Variants in PPP2R2B observed in about 807,000 individuals in gnomAD.
The protein encoded by PPP2R2B is serine/threonine-protein phosphatase 2A 55 kDa regulatory subunit B beta isoform.
A neutral mutation model predicts 46.0 loss-of-function variants in PPP2R2B; 5 were observed. The ratio of observed to expected loss-of-function variants is 0.11; its 90% CI spans 0.06 to 0.23. The LOEUF is 0.23. PPP2R2B is among the 10% of genes least tolerant of loss of function. PPP2R2B has a pLI of 1.00. For synonymous variants in PPP2R2B, 215 were observed against 206.7 expected, an observed-to-expected ratio of 1.04 and a Z score of -0.34; for missense variants, 367 against 575.0, an observed-to-expected ratio of 0.64 and a Z score of 3.70.
intron 2 of PPP2R2B, among the ~76,000 whole-genome samples, chr5:146,855,312 G>A (rs1582277166): frequency 6.6e-6 from 1 of 152,068 alleles, no homozygotes. Flanking sequence ...AGCAAAACCT[G>A]CTCTTATTAT....
intron 2 of PPP2R2B, among the ~76,000 whole-genome samples, chr5:146,871,375 C>T (rs1761606996): frequency 6.6e-6 from 1 of 152,228 alleles, no homozygotes; most frequent in African/African-American, 2.4e-5. Context: ...ACCATCTCAG[C>T]TCAGCTCAGT....
At chr5:146,773,924 C>T (rs1211985354) in intron 2 of PPP2R2B, among the ~76,000 whole-genome samples, 1 of 152,138 alleles carries the variant, frequency 6.6e-6, no homozygotes, top group African/African-American at 2.4e-5. Flanking sequence ...ATACCTCATC[C>T]TTGTTTCTCC....
chr5:146,825,207 T>C (rs908965277), intron 2 of PPP2R2B, among the ~76,000 whole-genome samples: 1 of 152,160 alleles, frequency 6.6e-6, no homozygotes, highest in African/African-American at 2.4e-5. Context: ...ATGCTGTGTA[T>C]GGAACAACCC....
intron 1 of PPP2R2B, chr5:146,917,952 G>A (rs537033016): frequency 2.0e-5 from 3 of 152,312 alleles, no homozygotes; most frequent in Non-Finnish European, 4.4e-5. Flanking sequence ...ATGGATACAT[G>A]TCATTATGCA....
At chr5:146,860,278 T>C (rs942911157) in intron 2 of PPP2R2B, among the ~76,000 whole-genome samples, 1 of 152,208 alleles carries the variant, frequency 6.6e-6, no homozygotes, top group African/African-American at 2.4e-5. Context: ...ATTCACTCTT[T>C]CAAGTTGCTA....
At chr5:146,810,944 A>G (rs113611185) in intron 2 of PPP2R2B, among the ~76,000 whole-genome samples, 3,911 of 137,980 alleles carry the variant, frequency 0.028, 50 homozygotes, top group Middle Eastern at 0.057. Flanking sequence ...TCATTGTTCA[A>G]TTCCCACCTA....
At chr5:146,995,498 T>C (rs17105814) in intron 1 of PPP2R2B, among the ~76,000 whole-genome samples, 1,986 of 152,274 alleles carry the variant, frequency 0.013, 46 homozygotes, top group African/African-American at 0.045. Flanking sequence ...AATTCAGGAA[T>C]GATATGGGAA....
At chr5:146,996,012 A>G (rs1194200395) in intron 1 of PPP2R2B, among the ~76,000 whole-genome samples, 1 of 152,218 alleles carries the variant, frequency 6.6e-6, no homozygotes, top group Non-Finnish European at 1.5e-5. Flanking sequence ...ACACTCAATG[A>G]CAATTTTTGT....
At chr5:146,891,018 T>G (rs1378844555) in intron 1 of PPP2R2B, among the ~76,000 whole-genome samples, 2 of 152,020 alleles carry the variant, frequency 1.3e-5, no homozygotes, top group Non-Finnish European at 1.5e-5. Flanking sequence ...CACAGTTGAG[T>G]GCAAGTTTAG....
Position 146,947,701 on chromosome 5 carries a change from A to C in PPP2R2B, c.79+107964T>G, listed in dbSNP as rs144287952. Among the ~76,000 whole-genome samples the C allele has an allele frequency of 2.9e-3, 448 of 151,982 alleles. 4 individuals carry two copies. The highest frequency in any genetic ancestry group is 0.011 in the African/African-American group (436 of 41,494). ...TCAAATCACTTAGACTTTCTGTGAG[A>C]GATCTAACGGCCATATGCACCTTTC... On this transcript the variant is annotated intron_variant, in intron 1 of 8. Coordinates refer to the PPP2R2B transcript ENST00000336640.
In PPP2R2B at chr5:146,972,814, A is replaced by G. The variant is rs543730590; in HGVS notation, c.79+82851T>C. On this transcript the variant is annotated intron_variant, in intron 1 of 8. Transcript: ENST00000336640. ...CTTTTCATAAGCTTAAGGACCATCT[A>G]TATTTTCTGAACTGTTGACATTTTT... Among the ~76,000 whole-genome samples, 4 of 152,266 alleles carry G rather than the reference A, an allele frequency of 2.6e-5. No homozygotes were observed. In the South Asian group the frequency reaches 6.2e-4, roughly 24 times the overall value.
chr5:146,705,082 A>G (rs2151172450), intron 2 of PPP2R2B, among the ~76,000 whole-genome samples: 1 of 152,338 alleles, frequency 6.6e-6, no homozygotes, highest in Admixed American at 6.5e-5. Flanking sequence ...CTTACTGACC[A>G]GGTCACTAGC....
At chr5:146,825,753 G>A (rs984848920) in intron 2 of PPP2R2B, among the ~76,000 whole-genome samples, 2 of 152,196 alleles carry the variant, frequency 1.3e-5, no homozygotes, top group Non-Finnish European at 2.9e-5. Flanking sequence ...TTTAAAGTAT[G>A]CAGTGCTATA....
chr5:146,687,809 G>C (rs1778604313), intron 5 of PPP2R2B, among the ~76,000 whole-genome samples: 1 of 152,066 alleles, frequency 6.6e-6, no homozygotes. Context: ...AACAGAACAG[G>C]TTCATTACAC....
At chr5:146,677,664 A>T (rs1777831144) in intron 5 of PPP2R2B, among the ~76,000 whole-genome samples, 2 of 151,534 alleles carry the variant, frequency 1.3e-5, no homozygotes, top group South Asian at 4.2e-4. Flanking sequence ...AGTAGTTGGG[A>T]CTGCAAGTGT....
chr5:147,008,802 C>G (rs918652701), intron 1 of PPP2R2B, among the ~76,000 whole-genome samples: 1 of 152,130 alleles, frequency 6.6e-6, no homozygotes, highest in South Asian at 2.1e-4. Flanking sequence ...TGAAGGAGCT[C>G]AACTCTAGTT....
intron 1 of PPP2R2B, among the ~76,000 whole-genome samples, chr5:147,000,123 A>G (rs1754100040): frequency 6.6e-6 from 1 of 152,194 alleles, no homozygotes; most frequent in Non-Finnish European, 1.5e-5. Context: ...TTAAGATAAC[A>G]ATCCTGTTTC....
chr5:146,597,540 G>C (rs565710875), intron 8 of PPP2R2B, among the ~76,000 whole-genome samples: 1 of 152,144 alleles, frequency 6.6e-6, no homozygotes, highest in African/African-American at 2.4e-5. Flanking sequence ...GTACTCATTT[G>C]GCAAAACTCC....
intron 2 of PPP2R2B, among the ~76,000 whole-genome samples, chr5:146,762,725 G>A (rs543536102): frequency 9.9e-5 from 15 of 152,170 alleles, no homozygotes; most frequent in Non-Finnish European, 1.8e-4. Context: ...CAACCATCAT[G>A]CTTAAGAAAC....
Sources: gnomAD v4.1 joint callset for allele counts (sites outside exome capture counted in the v4.1 genomes callset) on GRCh38, gnomAD v4.1.1 for gene constraint, MANE v1.5 for transcripts, NCBI Gene and HGNC (gene_info 2026-07-23, HGNC 2026-07-21) for gene names.